Variants in GPATCH2 observed in about 807,000 individuals in gnomAD.
GPATCH2 encodes G patch domain-containing protein 2.
GPATCH2 carries 51 observed loss-of-function variants against 58.0 expected under a neutral mutation model. That is an observed-to-expected ratio of 0.88 (90% CI 0.70 to 1.11). GPATCH2 has a LOEUF of 1.11. Among genes scored for constraint, GPATCH2 ranks in the 50% most tolerant of loss-of-function variants. GPATCH2 has a pLI of 0.00. For missense variants in GPATCH2, 625 were observed against 652.2 expected, an observed-to-expected ratio of 0.96 and a Z score of 0.45; for synonymous variants, 222 against 218.5, an observed-to-expected ratio of 1.02 and a Z score of -0.14.
At chr1:217,561,945 C>T (rs1467938292) in intron 5 of GPATCH2, among the ~76,000 whole-genome samples, 1 of 152,142 alleles carries the variant, frequency 6.6e-6, no homozygotes, top group African/African-American at 2.4e-5. Context: ...TTTTCTCAAG[C>T]AGGTATACTG....
chr1:217,553,060 A>C (rs1389677345), intron 5 of GPATCH2, among the ~76,000 whole-genome samples: 1 of 152,154 alleles, frequency 6.6e-6, no homozygotes, highest in Non-Finnish European at 1.5e-5. Context: ...CATTATTATT[A>C]ACAAGTTCAT....
intron 8 of GPATCH2, among the ~76,000 whole-genome samples, chr1:217,490,112 A>G (rs1661648593): frequency 6.6e-6 from 1 of 152,164 alleles, no homozygotes; most frequent in African/African-American, 2.4e-5. Flanking sequence ...TCTTTATTTT[A>G]CTTCATCTTT....
chr1:217,551,559 TTTTAACC>T (rs1394044848), intron 5 of GPATCH2, among the ~76,000 whole-genome samples: 1 of 152,124 alleles, frequency 6.6e-6, no homozygotes, highest in Non-Finnish European at 1.5e-5. Flanking sequence ...TCTAATAATA[TTTTAACC>T]TTGAAAACAG....
chr1:217,556,814 T>C (rs571109148), intron 5 of GPATCH2, among the ~76,000 whole-genome samples: 1 of 152,302 alleles, frequency 6.6e-6, no homozygotes, highest in East Asian at 1.9e-4. Flanking sequence ...TATTCCCAGA[T>C]ACAATGTTTC....
intron 5 of GPATCH2, among the ~76,000 whole-genome samples, chr1:217,586,508 A>G (rs1211370004): frequency 6.6e-6 from 1 of 152,180 alleles, no homozygotes; most frequent in African/African-American, 2.4e-5. Flanking sequence ...CAGGGGCAAT[A>G]ACACACATGG....
At chr1:217,525,399 T>A (rs979966030) in intron 5 of GPATCH2, among the ~76,000 whole-genome samples, 1 of 152,214 alleles carries the variant, frequency 6.6e-6, no homozygotes, top group Non-Finnish European at 1.5e-5. Flanking sequence ...AAATCTTTTT[T>A]ATCTCTCTGG....
chr1:217,549,649 C>T (rs1190433890), intron 5 of GPATCH2, among the ~76,000 whole-genome samples: 1 of 152,108 alleles, frequency 6.6e-6, no homozygotes, highest in East Asian at 1.9e-4. Context: ...CAAGCATTTG[C>T]TGATAACTCA....
chr1:217,529,393 G>A (rs997117807), intron 5 of GPATCH2, among the ~76,000 whole-genome samples: 1 of 152,170 alleles, frequency 6.6e-6, no homozygotes, highest in African/African-American at 2.4e-5. Context: ...CTGCATGGTA[G>A]TGAGTTCTCC....
chr1:217,494,577 A>G (rs1661914106), intron 7 of GPATCH2, among the ~76,000 whole-genome samples: 1 of 152,102 alleles, frequency 6.6e-6, no homozygotes, highest in South Asian at 2.1e-4. Flanking sequence ...TGTCTCTACT[A>G]AAAATAGAAA....
chr1:217,552,096 G>A (rs558449437), intron 5 of GPATCH2, among the ~76,000 whole-genome samples: 24 of 151,802 alleles, frequency 1.6e-4, no homozygotes, highest in Non-Finnish European at 2.8e-4. Flanking sequence ...TGTGAAATAC[G>A]GGGAAAAAAT....
At chr1:217,575,315 G>C (rs2102728581) in intron 5 of GPATCH2, among the ~76,000 whole-genome samples, 1 of 152,274 alleles carries the variant, frequency 6.6e-6, no homozygotes, top group South Asian at 2.1e-4. Context: ...ACATGAAACA[G>C]CCACAGGAAT....
chr1:217,505,921 C>G (rs1343050449), intron 6 of GPATCH2, among the ~76,000 whole-genome samples: 1 of 152,146 alleles, frequency 6.6e-6, no homozygotes, highest in Non-Finnish European at 1.5e-5. Flanking sequence ...CTCCTGGGTT[C>G]AAGTGATTCT....
intron 7 of GPATCH2, chr1:217,492,757 A>G (rs1037625243): frequency 1.3e-5 from 2 of 152,216 alleles, no homozygotes; most frequent in African/African-American, 2.4e-5. Flanking sequence ...AGTAATATAA[A>G]CCATTTAAAA....
intron 8 of GPATCH2, among the ~76,000 whole-genome samples, chr1:217,473,280 A>AGTGTGTGTGTGTGTGT (rs71166009): frequency 1.4e-5 from 2 of 142,228 alleles, no homozygotes; most frequent in African/African-American, 5.2e-5. Flanking sequence ...GGTTTAGTTC[A>AGTGTGTGTGTGTGTGT]GTGTGTGTGT....
At chr1:217,568,238 T>G (rs1176988181) in intron 5 of GPATCH2, among the ~76,000 whole-genome samples, 1 of 152,102 alleles carries the variant, frequency 6.6e-6, no homozygotes, top group African/African-American at 2.4e-5. Context: ...ACCATTAAAA[T>G]GTATGGTTAT....
intron 2 of GPATCH2, among the ~76,000 whole-genome samples, chr1:217,618,733 G>A (rs1669023469): frequency 6.6e-6 from 1 of 152,078 alleles, no homozygotes; most frequent in South Asian, 2.1e-4. Flanking sequence ...GCCAAGGTGG[G>A]TGGATCACTT....
chr1:217,580,560 A>G (rs1285444921), intron 5 of GPATCH2, among the ~76,000 whole-genome samples: 2 of 152,186 alleles, frequency 1.3e-5, no homozygotes, highest in Non-Finnish European at 2.9e-5. Context: ...ACCTCCTACT[A>G]TAATTTTTCT....
chr1:217,613,346 AACATC>A (rs1668725705), intron 3 of GPATCH2, among the ~76,000 whole-genome samples: 1 of 152,140 alleles, frequency 6.6e-6, no homozygotes, highest in Non-Finnish European at 1.5e-5. Context: ...CTTTTCTTAT[AACATC>A]ATTAACTAAA....
intron 9 of GPATCH2, among the ~76,000 whole-genome samples, chr1:217,440,264 C>T (rs138579683): frequency 0.034 from 5,187 of 152,232 alleles, 231 homozygotes; most frequent in African/African-American, 0.1. Flanking sequence ...ACAAAAACCA[C>T]GTGATTATTT....
Sources: gnomAD v4.1 joint callset for allele counts (sites outside exome capture counted in the v4.1 genomes callset) on GRCh38, gnomAD v4.1.1 for gene constraint, MANE v1.5 for transcripts, NCBI Gene and HGNC (gene_info 2026-07-23, HGNC 2026-07-21) for gene names.